TENM1: variants seen among roughly 807,000 people sequenced by gnomAD.
The protein encoded by TENM1 is teneurin-1.
In TENM1, 35 loss-of-function variants were observed where a neutral mutation model predicts 174.8. That is an observed-to-expected ratio of 0.20 (90% CI 0.15 to 0.27). The LOEUF (loss-of-function observed/expected upper bound fraction) is 0.27. Among genes scored for constraint, TENM1 ranks in the 10% least tolerant of loss-of-function variants. The pLI, the probability that TENM1 is intolerant of heterozygous loss-of-function variation, is 1.00. For missense variants in TENM1, 1,633 were observed against 2,130.1 expected (o/e 0.77, Z 4.59); for synonymous variants, 781 against 798.7 (o/e 0.98, Z 0.37).
At chrX:124,697,473 G>A (rs1176297652) in intron 5 of TENM1, among the ~76,000 whole-genome samples, 3 of 110,530 alleles carry the variant, frequency 2.7e-5, no homozygotes, top group African/African-American at 6.6e-5. Flanking sequence ...TTTGTTAATG[G>A]GCTTGTAAGT....
At chrX:124,850,517 G>A (rs148988647) in intron 3 of TENM1, among the ~76,000 whole-genome samples, 1,326 of 111,085 alleles carry the variant, frequency 0.012, 13 homozygotes, top group African/African-American at 0.041. Context: ...GCACAGAGCC[G>A]CACACTAGGA....
intron 25 of TENM1, among the ~76,000 whole-genome samples, chrX:124,409,025 T>C (rs1206917108): frequency 1.8e-5 from 2 of 109,962 alleles, no homozygotes; most frequent in Non-Finnish European, 3.8e-5. Flanking sequence ...CTGCATAGTA[T>C]TCCATGGTGT....
At chrX:124,583,923 G>T (rs1298089150) in intron 11 of TENM1, among the ~76,000 whole-genome samples, 20 of 107,257 alleles carry the variant, frequency 1.9e-4, no homozygotes, top group African/African-American at 3.4e-4. Flanking sequence ...TCAACTGGAA[G>T]AAAGGGTATC....
the TENM1 span, among the ~76,000 whole-genome samples, chrX:125,125,507 G>A: frequency 4.4e-4 from 49 of 111,766 alleles, no homozygotes; most frequent in African/African-American, 1.5e-3. Flanking sequence ...TAAGGTAGTA[G>A]CATGTACAGA....
At chrX:124,930,382 C>T (rs1404207054) in intron 1 of TENM1, among the ~76,000 whole-genome samples, 1 of 111,515 alleles carries the variant, frequency 9.0e-6, no homozygotes, top group Non-Finnish European at 1.9e-5. Flanking sequence ...TACTGAAGTC[C>T]CTGAGGACAC....
At chrX:124,576,897 A>G (rs960450147) in intron 11 of TENM1, among the ~76,000 whole-genome samples, 4 of 111,672 alleles carry the variant, frequency 3.6e-5, no homozygotes, top group African/African-American at 1.3e-4. Flanking sequence ...AATTACCTAC[A>G]TGGTGTTATT....
At chrX:124,844,798 C>T (rs1022022991) in intron 3 of TENM1, among the ~76,000 whole-genome samples, 43 of 111,591 alleles carry the variant, frequency 3.9e-4, no homozygotes, top group African/African-American at 1.3e-3. Context: ...TAAGTTGATG[C>T]AGATGGTATT....
chrX:124,805,098 T>A (rs1603217307), intron 3 of TENM1, among the ~76,000 whole-genome samples: 1 of 111,754 alleles, frequency 8.9e-6, no homozygotes, highest in Non-Finnish European at 1.9e-5. Context: ...AGCTGCTTTA[T>A]CTCATTTATC....
chrX:124,950,698 A>G (rs1207808931), intron 1 of TENM1, among the ~76,000 whole-genome samples: 2 of 111,622 alleles, frequency 1.8e-5, no homozygotes, highest in Non-Finnish European at 3.8e-5. Flanking sequence ...ATTTTATGTA[A>G]TTTTTAGCTG....
intron 2 of TENM1, 70 bp downstream of exon 5, chrX:124,895,911 G>T: frequency 8.8e-7 from 1 of 1,132,448 alleles, no homozygotes. Context: ...TATAGGGAAG[G>T]AGAACAAAGC....
At chrX:125,007,942 G>A in the TENM1 span, among the ~76,000 whole-genome samples, 1 of 111,627 alleles carries the variant, frequency 9.0e-6, no homozygotes, top group Admixed American at 9.5e-5. Flanking sequence ...AAAATATAAA[G>A]ACCAATGATG....
chrX:124,565,790 C>G (rs1363470085), intron 11 of TENM1, among the ~76,000 whole-genome samples: 2 of 111,225 alleles, frequency 1.8e-5, no homozygotes, highest in Non-Finnish European at 3.8e-5. Context: ...AGATGTGAGC[C>G]ACCATGCCCT....
chrX:124,506,611 C>T (rs769208690), intron 18 of TENM1, among the ~76,000 whole-genome samples: 1 of 111,823 alleles, frequency 8.9e-6, no homozygotes, highest in East Asian at 2.8e-4. Context: ...AAATTTCCAG[C>T]TGACTTTAAT....
intron 1 of TENM1, among the ~76,000 whole-genome samples, chrX:124,916,419 C>G (rs767291124): frequency 6.3e-5 from 7 of 111,020 alleles, no homozygotes; most frequent in Non-Finnish European, 1.3e-4. Context: ...GTGATTCTCC[C>G]AACTCAGTCT....
chrX:124,663,369 A>G (rs756906923), intron 6 of TENM1, among the ~76,000 whole-genome samples: 1 of 112,357 alleles, frequency 8.9e-6, no homozygotes, highest in South Asian at 3.7e-4. Context: ...AGATTTGTGC[A>G]TTAAATTCTG....
At chrX:124,617,085 AT>A (rs2050414803) in intron 11 of TENM1, among the ~76,000 whole-genome samples, 1 of 111,944 alleles carries the variant, frequency 8.9e-6, no homozygotes, top group African/African-American at 3.2e-5. Flanking sequence ...TGTTTTTATA[AT>A]TTTAAAATTT....
rs1296160357 is a variant in TENM1 at position 124,756,540 on chromosome X, C to T, written c.536-19343G>A. 2.0e-4 allele frequency among the ~76,000 whole-genome samples: 22 copies of T among 110,153 alleles called. No individual in the cohort carries two copies. In the South Asian group the frequency reaches 4.7e-3, roughly 23 times the overall value. ...TTGTTCCGTTGCTGGTGAGGAACTG[C>T]GTTCCTTTGGAGGAGGAGAGGCGCT... On this transcript the variant is annotated intron_variant, in intron 3 of 31. Transcript: ENST00000422452.
At chrX:124,657,696 T>C (rs974377042) in intron 6 of TENM1, among the ~76,000 whole-genome samples, 13 of 112,049 alleles carry the variant, frequency 1.2e-4, no homozygotes, top group Non-Finnish European at 2.3e-4. Flanking sequence ...CGGTTGAATA[T>C]TGATAGAAGA....
At chrX:124,788,517 A>T (rs1432401458) in intron 3 of TENM1, among the ~76,000 whole-genome samples, 1 of 112,494 alleles carries the variant, frequency 8.9e-6, no homozygotes, top group Non-Finnish European at 1.9e-5. Context: ...TAAAATCAAA[A>T]TCCAGTTAGT....
Sources: allele counts gnomAD v4.1 joint callset (sites outside exome capture counted in the v4.1 genomes callset), GRCh38; gene constraint gnomAD v4.1.1; transcripts MANE v1.5; gene names NCBI Gene and HGNC (gene_info 2026-07-23, HGNC 2026-07-21).